Variants in BIN3 observed in about 807,000 individuals in gnomAD.
BIN3 encodes bridging integrator 3.
A neutral mutation model predicts 38.2 loss-of-function variants in BIN3; 41 were observed. The observed-to-expected ratio is 1.07, with a 90% CI of 0.84 to 1.39. BIN3 has a LOEUF of 1.39. Ranked by LOEUF, BIN3 falls within the 40% of genes most tolerant of loss-of-function variation. BIN3 has a pLI of 0.00. For missense variants in BIN3, 361 were observed against 324.3 expected (o/e 1.11, Z -0.87); for synonymous variants, 145 against 122.6 (o/e 1.18, Z -1.21).
At chr8:22,653,006 C>T (rs7840303) in intron 1 of BIN3, among the ~76,000 whole-genome samples, 17,822 of 152,136 alleles carry the variant, frequency 0.12, 2,265 homozygotes, top group African/African-American at 0.31. Context: ...TGGTAATATC[C>T]AAATTTTAGG....
intron 1 of BIN3, among the ~76,000 whole-genome samples, chr8:22,660,762 GC>G (rs1803209354): frequency 6.6e-6 from 1 of 152,108 alleles, no homozygotes; most frequent in Non-Finnish European, 1.5e-5. Context: ...CCACCACTTG[GC>G]TTTGTCAAAT....
At chr8:22,629,380 G>C (rs995208888) in intron 6 of BIN3, among the ~76,000 whole-genome samples, 1 of 152,196 alleles carries the variant, frequency 6.6e-6, no homozygotes, top group African/African-American at 2.4e-5. Context: ...CCTGGGGACC[G>C]AGGGAATAGG....
At chr8:22,643,469 T>C (rs1802625489) in intron 2 of BIN3, among the ~76,000 whole-genome samples, 1 of 152,236 alleles carries the variant, frequency 6.6e-6, no homozygotes, top group Non-Finnish European at 1.5e-5. Context: ...TAGCTGGGAC[T>C]ACAGGCGTGC....
Position 22,629,962 on chromosome 8 carries a change from A to G in BIN3, c.338+2T>C, listed in dbSNP as rs1398444106. 1 of 1,607,060 alleles carries G rather than the reference A, an allele frequency of 6.2e-7. No homozygotes were observed. Among genetic ancestry groups the G allele is most frequent in the East Asian group, 2.2e-5 (1 of 44,764 alleles). On this transcript the variant is annotated splice_donor_variant, in intron 6 of 8. Transcript: ENST00000276416. LOFTEE classifies it high-confidence loss of function. Reference sequence around the variant, plus strand: ...CGAGGCCCCCAGGTGACATTTACTCACTTTTTTAAGGGCTCGATCACAGTC... The same window carrying G: ...CGAGGCCCCCAGGTGACATTTACTCGCTTTTTTAAGGGCTCGATCACAGTC...
intron 1 of BIN3, among the ~76,000 whole-genome samples, chr8:22,661,264 C>T (rs1803225926): frequency 6.7e-6 from 1 of 150,216 alleles, no homozygotes; most frequent in Admixed American, 6.6e-5. Context: ...CATACTTTTA[C>T]TGTATAAGTT....
intron 1 of BIN3, 74 bp downstream of exon 1, chr8:22,668,970 G>T: frequency 6.5e-7 from 1 of 1,539,596 alleles, no homozygotes; most frequent in Non-Finnish European, 8.8e-7. Context: ...GAGCCGGGAC[G>T]CGGCACTGAC....
At chr8:22,668,972 G>A (rs1045473942) in intron 1 of BIN3, 72 bp downstream of exon 1, 1 of 1,544,876 alleles carries the variant, frequency 6.5e-7, no homozygotes, top group South Asian at 1.2e-5. Flanking sequence ...GCCGGGACGC[G>A]GCACTGACAC....
At chr8:22,661,736 T>C (rs1197654546) in intron 1 of BIN3, among the ~76,000 whole-genome samples, 1 of 152,190 alleles carries the variant, frequency 6.6e-6, no homozygotes, top group Admixed American at 6.5e-5. Context: ...CATTACATTC[T>C]TGAGATTTGC....
At chr8:22,637,068 A>G (rs1802391016) in intron 2 of BIN3, 106 bp from the exon 3 acceptor site, 3 of 978,664 alleles carry the variant, frequency 3.1e-6, no homozygotes, top group Non-Finnish European at 4.8e-6. Context: ...TCCGCAGAAA[A>G]CAACATGGTC....
chr8:22,644,550 C>T (rs1244026634), intron 2 of BIN3: 1 of 555,618 alleles, frequency 1.8e-6, no homozygotes, highest in African/African-American at 1.9e-5. Context: ...AGAGCCCAGG[C>T]TAACCTTTCC....
chr8:22,639,249 T>G (rs1802462838), intron 2 of BIN3, among the ~76,000 whole-genome samples: 3 of 151,586 alleles, frequency 2.0e-5, no homozygotes, highest in Admixed American at 2.0e-4. Flanking sequence ...TTTTTTTTTT[T>G]GAGACAGGGT....
intron 4 of BIN3, chr8:22,634,276 CAT>C (rs1191624083): frequency 3.3e-5 from 10 of 305,572 alleles, no homozygotes; most frequent in East Asian, 9.1e-5. Flanking sequence ...TTGTGACACA[CAT>C]AGTTTGGCAA....
intron 2 of BIN3, among the ~76,000 whole-genome samples, chr8:22,638,141 G>A (rs556026532): frequency 1.1e-3 from 175 of 152,346 alleles, no homozygotes; most frequent in Non-Finnish European, 2.1e-3. Context: ...TGCTCTGAGG[G>A]TCAGGGAGTA....
chr8:22,647,926 A>C (rs1020780571), intron 1 of BIN3, among the ~76,000 whole-genome samples: 2 of 151,988 alleles, frequency 1.3e-5, no homozygotes, highest in Non-Finnish European at 2.9e-5. Flanking sequence ...GGAGATCGAG[A>C]CCATCCTGGC....
At position 22,630,585 on chromosome 8, in the gene BIN3, G is replaced by C. The variant is rs750251527; in HGVS notation, c.161-7C>G. ...ACGGCAGATTTTGACATGGCTGTGG[G>C]AAGCCAAAGCTCGGTGAACCTTCTA... On this transcript the variant is annotated splice_region_variant and splice_polypyrimidine_tract_variant and intron_variant, in intron 4 of 8. Coordinates refer to ENST00000276416, the MANE Select transcript of BIN3 (RefSeq NM_018688.6). 5.6e-6 allele frequency: 9 copies of C among 1,613,672 alleles called. No individual in the cohort carries two copies. Among genetic ancestry groups the C allele is most frequent in the African/African-American group, 1.3e-5 (1 of 74,932 alleles).
chr8:22,630,026 A>G lies in BIN3; in HGVS notation c.298-22T>C, dbSNP rs775813243. The G allele has an allele frequency of 5.6e-6, 9 of 1,603,742 alleles. No homozygotes were observed. In the South Asian group the frequency reaches 6.7e-5, roughly 12 times the overall value. ...TCACCTGTCAAAGAAAAACCCAAAG[A>G]CATTAAAACTGGTGGGGAGGGGAGG... On this transcript the variant is annotated intron_variant, in intron 5 of 8. Coordinates refer to ENST00000276416, the MANE Select transcript of BIN3 (RefSeq NM_018688.6).
At chr8:22,665,333 GC>G (rs1307526617) in intron 1 of BIN3, among the ~76,000 whole-genome samples, 1 of 152,172 alleles carries the variant, frequency 6.6e-6, no homozygotes, top group Non-Finnish European at 1.5e-5. Flanking sequence ...GGGAAAAAAG[GC>G]CCCATTCATA....
Position 22,647,026 on chromosome 8 carries a change from C to T in BIN3, c.9-2223G>A, listed in dbSNP as rs191764950. On this transcript the variant is annotated intron_variant, in intron 1 of 8. Coordinates refer to ENST00000276416, the MANE Select transcript of BIN3 (RefSeq NM_018688.6). ...TCGACCCGGTATCAGAAAACGTGGC[C>T]TCTGCCTCCGACTCATTTTGTGATT... is the stretch of plus-strand genomic sequence containing the variant. 3.4e-3 allele frequency among the ~76,000 whole-genome samples: 513 copies of T among 152,340 alleles called. 3 individuals are homozygous for T. The highest frequency in any genetic ancestry group is 5.5e-3 in the Non-Finnish European group (377 of 68,026).
intron 1 of BIN3, among the ~76,000 whole-genome samples, chr8:22,656,649 A>AG: frequency 6.6e-6 from 1 of 152,318 alleles, no homozygotes; most frequent in East Asian, 1.9e-4. Context: ...ATCCCTCACT[A>AG]TCAAATATGA....
Sources: allele counts gnomAD v4.1 joint callset (sites outside exome capture counted in the v4.1 genomes callset), GRCh38; gene constraint gnomAD v4.1.1; transcripts MANE v1.5; gene names NCBI Gene and HGNC (gene_info 2026-07-23, HGNC 2026-07-21).